Variants in TENM1 observed in about 807,000 individuals in gnomAD.
TENM1 encodes teneurin-1.
Under a neutral mutation model 174.8 loss-of-function variants are expected in TENM1, and 35 were observed. That is an observed-to-expected ratio of 0.20 (90% CI 0.15 to 0.27). The LOEUF (loss-of-function observed/expected upper bound fraction) is 0.27, where lower values mean the gene tolerates loss of function less well. Ranked by LOEUF, TENM1 falls within the 10% of genes least tolerant of loss-of-function variation. TENM1 has a pLI of 1.00. For missense variants in TENM1, 1,633 were observed against 2,130.1 expected (o/e 0.77, Z 4.59); for synonymous variants, 781 against 798.7 (o/e 0.98, Z 0.37).
At chrX:124,739,520 T>C (rs764609190) in intron 3 of TENM1, among the ~76,000 whole-genome samples, 1 of 111,701 alleles carries the variant, frequency 9.0e-6, no homozygotes, top group Non-Finnish European at 1.9e-5. Flanking sequence ...TTAAGTGACA[T>C]TTTAACAGAT....
chrX:125,148,269 A>G, the TENM1 span, among the ~76,000 whole-genome samples: 3 of 108,975 alleles, frequency 2.8e-5, no homozygotes, highest in East Asian at 2.9e-4. Flanking sequence ...ATCTAAGTCT[A>G]TTCTCTCTCA....
At chrX:124,658,158 G>A (rs16999361) in intron 6 of TENM1, among the ~76,000 whole-genome samples, 5,477 of 111,390 alleles carry the variant, frequency 0.049, 216 homozygotes, top group African/African-American at 0.14. Flanking sequence ...CTGAAAGGTA[G>A]GTGGAAAGCT....
chrX:125,054,897 T>C, the TENM1 span, among the ~76,000 whole-genome samples: 1 of 111,537 alleles, frequency 9.0e-6, no homozygotes, highest in African/African-American at 3.3e-5. Context: ...GTGAAATTAC[T>C]GTGTTTAAGG....
chrX:125,053,124 G>T, the TENM1 span, among the ~76,000 whole-genome samples: 1 of 111,972 alleles, frequency 8.9e-6, no homozygotes, highest in East Asian at 2.8e-4. Flanking sequence ...TCTTAGAGAA[G>T]AATAATTTAA....
At chrX:124,625,463 T>C (rs1198617770) in intron 11 of TENM1, among the ~76,000 whole-genome samples, 1 of 110,855 alleles carries the variant, frequency 9.0e-6, no homozygotes, top group African/African-American at 3.3e-5. Flanking sequence ...TAATTGAAAA[T>C]TGCTAAGAGT....
intron 23 of TENM1, among the ~76,000 whole-genome samples, chrX:124,444,717 T>C (rs2060947509): frequency 9.0e-6 from 1 of 111,241 alleles, no homozygotes; most frequent in South Asian, 3.9e-4. Context: ...GTTCCCATTC[T>C]ACCTCTGAGT....
chrX:124,498,876 T>C (rs1249166336), intron 19 of TENM1, among the ~76,000 whole-genome samples: 1 of 111,487 alleles, frequency 9.0e-6, no homozygotes, highest in African/African-American at 3.3e-5. Flanking sequence ...TGCCAATCCC[T>C]GTGGCCAAAT....
At chrX:125,060,862 G>T in the TENM1 span, among the ~76,000 whole-genome samples, 2 of 111,001 alleles carry the variant, frequency 1.8e-5, no homozygotes. Flanking sequence ...ATTTGAATAG[G>T]TCTGAGTCAA....
the TENM1 span, among the ~76,000 whole-genome samples, chrX:125,019,665 G>T: frequency 9.0e-6 from 1 of 110,653 alleles, no homozygotes; most frequent in Non-Finnish European, 1.9e-5. Flanking sequence ...AAAAAGTCTG[G>T]CTTCAAGGCC....
intron 5 of TENM1, among the ~76,000 whole-genome samples, chrX:124,692,719 A>G (rs771294235): frequency 9.1e-6 from 1 of 109,428 alleles, no homozygotes; most frequent in South Asian, 3.9e-4. Context: ...GTTATTTGAA[A>G]ATTCTGGCCG....
At chrX:125,002,180 C>T in the TENM1 span, among the ~76,000 whole-genome samples, 5 of 111,387 alleles carry the variant, frequency 4.5e-5, no homozygotes, top group Non-Finnish European at 9.4e-5. Flanking sequence ...AGTTGGTATA[C>T]AGTATGTTGT....
At chrX:124,970,984 T>C in the TENM1 span, among the ~76,000 whole-genome samples, 1 of 108,813 alleles carries the variant, frequency 9.2e-6, no homozygotes, top group East Asian at 3.0e-4. Context: ...ATGTCCTTTG[T>C]AGGGACATGG....
At chrX:125,110,174 C>G in the TENM1 span, among the ~76,000 whole-genome samples, 1 of 111,581 alleles carries the variant, frequency 9.0e-6, no homozygotes, top group Non-Finnish European at 1.9e-5. Flanking sequence ...GGTGCTCCCT[C>G]TCATTAACTC....
At chrX:124,760,434 A>T (rs1486325415) in intron 3 of TENM1, among the ~76,000 whole-genome samples, 1 of 111,422 alleles carries the variant, frequency 9.0e-6, no homozygotes, top group Admixed American at 9.6e-5. Flanking sequence ...CTTTTGCATG[A>T]TTGCCCTGGT....
the TENM1 span, among the ~76,000 whole-genome samples, chrX:124,977,997 AG>A: frequency 2.0e-5 from 2 of 100,993 alleles, no homozygotes; most frequent in African/African-American, 7.5e-5. Flanking sequence ...AGAGAGAGAG[AG>A]AGAGAGAGAG....
chrX:125,091,546 G>A, the TENM1 span, among the ~76,000 whole-genome samples: 15 of 111,659 alleles, frequency 1.3e-4, 1 homozygote, highest in African/African-American at 4.9e-4. Flanking sequence ...GCTGATTCAT[G>A]GGGGTATAAG....
chrX:124,967,115 T>A (rs1434591663), upstream of TENM1, among the ~76,000 whole-genome samples: 3 of 111,893 alleles, frequency 2.7e-5, no homozygotes, highest in Non-Finnish European at 5.6e-5. Flanking sequence ...TGGAAAAGGA[T>A]TGCACTTGAT....
intron 11 of TENM1, among the ~76,000 whole-genome samples, chrX:124,578,835 T>C (rs1297228049): frequency 8.9e-6 from 1 of 111,836 alleles, no homozygotes; most frequent in East Asian, 2.8e-4. Flanking sequence ...ACATACAAAC[T>C]TCCTACCTTT....
intron 3 of TENM1, among the ~76,000 whole-genome samples, chrX:124,770,802 A>G: frequency 1.8e-5 from 2 of 110,809 alleles, no homozygotes; most frequent in African/African-American, 6.6e-5. Flanking sequence ...TTAAGCCTGC[A>G]TAGTATTCCC....
Sources: gnomAD v4.1 joint callset for allele counts (sites outside exome capture counted in the v4.1 genomes callset) on GRCh38, gnomAD v4.1.1 for gene constraint, MANE v1.5 for transcripts, NCBI Gene and HGNC (gene_info 2026-07-23, HGNC 2026-07-21) for gene names.